CRYGB: variants seen among roughly 807,000 people sequenced by gnomAD.
The protein encoded by CRYGB is crystallin gamma B, also known as gamma-crystallin B.
A neutral mutation model predicts 21.3 loss-of-function variants in CRYGB; 19 were observed. The ratio of observed to expected loss-of-function variants is 0.89; its 90% CI spans 0.62 to 1.31. The LOEUF (loss-of-function observed/expected upper bound fraction) is 1.31. CRYGB is among the 50% of genes most tolerant of loss of function. The pLI is 0.00. For missense variants in CRYGB, 254 were observed against 228.4 expected (o/e 1.11, Z -0.72); for synonymous variants, 81 against 81.2 (o/e 1.00, Z 0.01).
chr2:208,145,794 A>G lies in CRYGB; in HGVS notation c.232T>C (p.Ser78Pro), dbSNP rs746699013. Reference protein sequence around the residue: ...QWMGLSDSIRSCCLIPPHSGA... With the variant: ...QWMGLSDSIRPCCLIPPHSGA... ...CTCACCGGGGGGATGAGGCAGCAGG[A>G]GCGGATGGAGTCGCTGAGGCCCATC... Residue 78 changes from serine (S) to proline (P), a missense_variant, in exon 2 of 3, where the codon TCC (serine) becomes CCC (proline). Physicochemically the swap from Ser to Pro is moderately conservative, Grantham distance 74. Transcript: ENST00000260988. 13 of 1,613,284 alleles carry G rather than the reference A, an allele frequency of 8.1e-6. No individual in the cohort carries two copies. The Admixed American group carries it at 1.8e-4, about 23-fold the overall frequency.
intron 2 of CRYGB, among the ~76,000 whole-genome samples, chr2:208,144,553 A>AT (rs1695421114): frequency 6.7e-6 from 1 of 149,858 alleles, no homozygotes; most frequent in Non-Finnish European, 1.5e-5. Context: ...ACAGGCATGC[A>AT]CCACCACATC....
At chr2:208,144,806 G>A (rs1695427378) in intron 2 of CRYGB, among the ~76,000 whole-genome samples, 1 of 151,750 alleles carries the variant, frequency 6.6e-6, no homozygotes, top group South Asian at 2.1e-4. Context: ...GGCCAGGGTG[G>A]TCTTGAACTC....
At chr2:208,143,396 T>C (rs1006819360) in intron 2 of CRYGB, among the ~76,000 whole-genome samples, 4 of 152,188 alleles carry the variant, frequency 2.6e-5, no homozygotes, top group African/African-American at 4.8e-5. Flanking sequence ...CTCTGATTGC[T>C]TCCTCTCCCC....
In CRYGB at chr2:208,146,117, C is replaced by T; in HGVS notation, c.4G>A (p.Gly2Arg). Residue 2 changes from glycine to arginine, a missense_variant, in exon 1 of 3, where the codon GGA (glycine) becomes AGA (arginine). Physicochemically the swap from Gly to Arg is moderately radical, Grantham distance 125 (BLOSUM62 -2). Transcript: ENST00000260988. Reference sequence around the variant, plus strand: ...ATCCGGTACCCAGGACTTACCTTTCCCATTTTGAAGGAAGTGAGCAGATGT... The same window carrying T: ...ATCCGGTACCCAGGACTTACCTTTCTCATTTTGAAGGAAGTGAGCAGATGT... MGKITFYEDRAF... is the reference protein window; with the variant it reads MRKITFYEDRAF... 6.2e-7 allele frequency: 1 copy of T among 1,614,146 alleles called. No individual in the cohort carries two copies. Among genetic ancestry groups the T allele is most frequent in the Non-Finnish European group, 8.5e-7 (1 of 1,180,022 alleles).
At chr2:208,143,223 AGTTAAAT>A (rs963830086) in intron 2 of CRYGB, among the ~76,000 whole-genome samples, 27 of 152,344 alleles carry the variant, frequency 1.8e-4, no homozygotes, top group African/African-American at 6.5e-4. Flanking sequence ...GTCATTGGAA[AGTTAAAT>A]GTCATATTAT....
intron 2 of CRYGB, among the ~76,000 whole-genome samples, chr2:208,145,449 G>A (rs1695442412): frequency 6.6e-6 from 1 of 152,060 alleles, no homozygotes; most frequent in Non-Finnish European, 1.5e-5. Context: ...AGCACTTTGG[G>A]AGGCCGAGGC....
chr2:208,144,981 C>G (rs566959051), intron 2 of CRYGB, among the ~76,000 whole-genome samples: 1 of 152,272 alleles, frequency 6.6e-6, no homozygotes. Flanking sequence ...CCTTCATTAA[C>G]TTCTGTTTTT....
chr2:208,146,108 TTACC>T lies in CRYGB; in HGVS notation c.9_9+3del. The T allele has an allele frequency of 6.2e-7, 1 of 1,614,200 alleles. No individual in the cohort carries two copies. Among genetic ancestry groups the T allele is most frequent in the East Asian group, 2.2e-5 (1 of 44,894 alleles). On this transcript the variant is annotated splice_donor_variant and splice_donor_region_variant and coding_sequence_variant and intron_variant, in exon 1 of 3. Transcript: ENST00000260988. LOFTEE classifies it high-confidence loss of function. ...AGGCTGAGCATCCGGTACCCAGGAC[TTACC>T]TTTCCCATTTTGAAGGAAGTGAGCA...
Position 208,142,866 on chromosome 2 carries a change from C to G in CRYGB, c.300G>C (p.Arg100Ser), listed in dbSNP as rs1445305577. Residue 100 changes from arginine to serine, a missense_variant, in exon 3 of 3, where the codon AGG becomes AGC. Transcript: ENST00000260988. ...RMKIYDRDEL[R>S]GQMSELTDDC... ...CGTCTGTGAGCTCTGACATTTGTCC[C>G]CTCAATTCATCTCTGTCGTAGATCT... 1 of 1,613,424 alleles carries G rather than the reference C, an allele frequency of 6.2e-7. No homozygotes were observed. The highest frequency in any genetic ancestry group is 2.2e-5 in the East Asian group (1 of 44,868).
At chr2:208,144,592 CT>C (rs1211323075) in intron 2 of CRYGB, among the ~76,000 whole-genome samples, 5,457 of 136,180 alleles carry the variant, frequency 0.04, 215 homozygotes, top group African/African-American at 0.12. Flanking sequence ...AATTTCTTTT[CT>C]TTTTTTTTTT....
chr2:208,143,436 G>A (rs1234521106), intron 2 of CRYGB, among the ~76,000 whole-genome samples: 3 of 151,996 alleles, frequency 2.0e-5, no homozygotes, highest in Admixed American at 6.6e-5. Flanking sequence ...CAGAGTCATC[G>A]AGCCAGACTA....
At chr2:208,143,089 G>A (rs1485415050) in intron 2 of CRYGB, among the ~76,000 whole-genome samples, 176 bp from the exon 3 acceptor site, 2 of 152,184 alleles carry the variant, frequency 1.3e-5, no homozygotes, top group Non-Finnish European at 2.9e-5. Context: ...GTCACCCACC[G>A]CTGAGTCTAA....
chr2:208,145,707 A>AAAAGAAT, intron 2 of CRYGB, 67 bp downstream of exon 2: 2 of 1,516,964 alleles, frequency 1.3e-6, no homozygotes, highest in Non-Finnish European at 1.8e-6. Flanking sequence ...AAAAAAAAAA[A>AAAAGAAT]AAAAGAATAT....
chr2:208,142,827 A>T lies in CRYGB; in HGVS notation c.339T>A (p.Val113=), dbSNP rs781145638. Residue 113 remains valine (V), a synonymous_variant, in exon 3 of 3, where the codon GTT becomes GTA. Coordinates refer to ENST00000260988, the MANE Select transcript of CRYGB (RefSeq NM_005210.4). ...MSELTDDCIS[V]QDRFHLTEIH... Reference sequence around the variant, plus strand: ...TTTCAGTGAGGTGGAAGCGGTCCTGAACAGAGATACAGTCGTCTGTGAGCT... The same window carrying T: ...TTTCAGTGAGGTGGAAGCGGTCCTGTACAGAGATACAGTCGTCTGTGAGCT... 1.9e-6 allele frequency: 3 copies of T among 1,614,150 alleles called. No homozygotes were observed. Among genetic ancestry groups the T allele is most frequent in the Non-Finnish European group, 2.5e-6 (3 of 1,180,018 alleles).
At chr2:208,143,585 C>T (rs1285727851) in intron 2 of CRYGB, among the ~76,000 whole-genome samples, 1 of 139,040 alleles carries the variant, frequency 7.2e-6, no homozygotes, top group African/African-American at 2.6e-5. Context: ...TCACTGCAAC[C>T]TCCACCTTCT....
chr2:208,143,011 G>T, intron 2 of CRYGB, 98 bp from the exon 3 acceptor site: 1 of 1,358,010 alleles, frequency 7.4e-7, no homozygotes, highest in Non-Finnish European at 9.9e-7. Context: ...CTGCCCAGAA[G>T]TTCTCCCAGG....
chr2:208,142,752 G>T lies in CRYGB; in HGVS notation c.414C>A (p.Pro138=), dbSNP rs769369213. 4 of 1,613,920 alleles carry T rather than the reference G, an allele frequency of 2.5e-6. No individual in the cohort carries two copies. Among genetic ancestry groups the T allele is most frequent in the Non-Finnish European group, 3.4e-6 (4 of 1,180,016 alleles). ...LEGSWILYEM[P]NYRGRQYLLR... is the part of the protein sequence containing the mutation. ...GCAGATACTGCCTCCCCCTGTAGTTGGGCATCTCATAGAGGATCCAGCTGC... is the reference window on the plus strand; with the variant it reads ...GCAGATACTGCCTCCCCCTGTAGTTTGGCATCTCATAGAGGATCCAGCTGC... Residue 138 remains proline (P), a synonymous_variant, in exon 3 of 3, where the codon CCC becomes CCA. Transcript: ENST00000260988.
At chr2:208,145,621 G>A (rs1340730110) in intron 2 of CRYGB, among the ~76,000 whole-genome samples, 153 bp downstream of exon 2, 1 of 148,750 alleles carries the variant, frequency 6.7e-6, no homozygotes, top group Non-Finnish European at 1.5e-5. Flanking sequence ...CCCGGGAGGC[G>A]GAAGTTGCAG....
chr2:208,144,182 A>C (rs1356421625), intron 2 of CRYGB, among the ~76,000 whole-genome samples: 1 of 151,702 alleles, frequency 6.6e-6, no homozygotes, highest in Non-Finnish European at 1.5e-5. Context: ...CACCACGCCC[A>C]GCTAATTTTG....
Sources: allele counts gnomAD v4.1 joint callset (sites outside exome capture counted in the v4.1 genomes callset), GRCh38; gene constraint gnomAD v4.1.1; transcripts MANE v1.5; gene names NCBI Gene and HGNC (gene_info 2026-07-23, HGNC 2026-07-21).